The following GRHL2 variants were observed in gnomAD, a reference collection of about 807,000 sequenced individuals.
GRHL2 encodes grainyhead-like protein 2 homolog.
GRHL2 carries 21 observed loss-of-function variants against 83.8 expected under a neutral mutation model. The observed-to-expected ratio is 0.25, with a 90% CI of 0.18 to 0.36. The LOEUF (loss-of-function observed/expected upper bound fraction) is 0.36. Among genes scored for constraint, GRHL2 ranks in the 10% least tolerant of loss-of-function variants. The pLI is 1.00. For synonymous variants in GRHL2, 280 were observed against 278.9 expected, an observed-to-expected ratio of 1.00 and a Z score of -0.04; for missense variants, 623 against 781.8, an observed-to-expected ratio of 0.80 and a Z score of 2.42.
intron 8 of GRHL2, among the ~76,000 whole-genome samples, chr8:101,617,688 A>G (rs1014178117): frequency 6.6e-6 from 1 of 152,142 alleles, no homozygotes; most frequent in Non-Finnish European, 1.5e-5. Context: ...AACTTTTTGT[A>G]GAGATGGGAT....
intron 3 of GRHL2, 22 bp downstream of exon 3, chr8:101,552,804 C>G (rs774296255): frequency 6.2e-7 from 1 of 1,607,468 alleles, no homozygotes; most frequent in Admixed American, 1.7e-5. Flanking sequence ...TGCCTGGCCC[C>G]CAGAATAACT....
At position 101,507,034 on chromosome 8, in the gene GRHL2, G is replaced by A. The variant is rs549835361; in HGVS notation, c.20+14245G>A. On this transcript the variant is annotated intron_variant, in intron 1 of 15. Transcript: ENST00000646743. ...AGATCCAGCTGTGCTCCCCTCTGGC[G>A]TCTACCCAAAGTTGTACCTTCCAAC... is the stretch of plus-strand genomic sequence containing the variant. 9.9e-5 allele frequency among the ~76,000 whole-genome samples: 15 copies of A among 152,246 alleles called. No homozygotes were observed. In the South Asian group the frequency reaches 1.5e-3, roughly 15 times the overall value.
intron 8 of GRHL2, 79 bp downstream of exon 8, chr8:101,599,230 A>G (rs1297147102): frequency 2.2e-6 from 2 of 920,236 alleles, no homozygotes; most frequent in Admixed American, 1.8e-5. Flanking sequence ...AAAAGCCTGT[A>G]TCAGTAGCCT....
chr8:101,635,965 A>AGGCAGG (rs1437567715), intron 11 of GRHL2, among the ~76,000 whole-genome samples: 1 of 152,176 alleles, frequency 6.6e-6, no homozygotes, highest in East Asian at 1.9e-4. Flanking sequence ...TTTCTCACCC[A>AGGCAGG]GGCAGGGGCA....
At chr8:101,617,337 G>A (rs1027953362) in intron 8 of GRHL2, among the ~76,000 whole-genome samples, 3 of 152,072 alleles carry the variant, frequency 2.0e-5, no homozygotes, top group Non-Finnish European at 4.4e-5. Context: ...ACCCCACTAA[G>A]ACATTCCTCA....
rs142404047 is a variant in GRHL2 at position 101,627,560 on chromosome 8, A to C, written c.1258-4077A>C. ...CCATATGAAACCAAGCCAATGAATA[A>C]ACCTACAACGGCCCCTGAGTGTTCA... On this transcript the variant is annotated intron_variant, in intron 9 of 15. Transcript: ENST00000646743. Among the ~76,000 whole-genome samples, 420 of 152,200 alleles carry C rather than the reference A, an allele frequency of 2.8e-3. 6 individuals are homozygous for C. Among genetic ancestry groups the C allele is most frequent in the African/African-American group, 9.6e-3 (399 of 41,534 alleles).
At chr8:101,676,702 C>T in the GRHL2 span, among the ~76,000 whole-genome samples, 1 of 152,134 alleles carries the variant, frequency 6.6e-6, no homozygotes, top group Non-Finnish European at 1.5e-5. Flanking sequence ...CCAGCCATCC[C>T]ATTACTGGGT....
chr8:101,532,539 C>A (rs900283290), intron 1 of GRHL2, among the ~76,000 whole-genome samples: 1 of 152,114 alleles, frequency 6.6e-6, no homozygotes, highest in African/African-American at 2.4e-5. Context: ...ATCACGAGGT[C>A]AGGAGTTCAA....
chr8:101,499,803 C>T (rs1380500794), intron 1 of GRHL2, among the ~76,000 whole-genome samples: 4 of 152,066 alleles, frequency 2.6e-5, no homozygotes, highest in Non-Finnish European at 5.9e-5. Context: ...CCTGGCCAGG[C>T]GCGGTGGCTC....
intron 3 of GRHL2, among the ~76,000 whole-genome samples, chr8:101,555,506 C>A (rs915818507): frequency 3.3e-5 from 5 of 152,140 alleles, no homozygotes; most frequent in African/African-American, 9.7e-5. Context: ...TGAGGAATAT[C>A]TATTAACATT....
the GRHL2 span, among the ~76,000 whole-genome samples, chr8:101,677,430 C>T: frequency 4.6e-5 from 7 of 151,728 alleles, no homozygotes; most frequent in African/African-American, 7.3e-5. Flanking sequence ...TCCACCCCCA[C>T]GCCTACCTCC....
chr8:101,661,757 T>C (rs1813927593), intron 14 of GRHL2, among the ~76,000 whole-genome samples: 1 of 152,170 alleles, frequency 6.6e-6, no homozygotes. Context: ...AAGTGAGAGA[T>C]AGCTTGTTGG....
intron 8 of GRHL2, among the ~76,000 whole-genome samples, chr8:101,617,157 C>G (rs1179549721): frequency 6.6e-6 from 1 of 151,880 alleles, no homozygotes; most frequent in Non-Finnish European, 1.5e-5. Flanking sequence ...ACTGATGGTC[C>G]TCGTGTTGTA....
intron 1 of GRHL2, among the ~76,000 whole-genome samples, chr8:101,515,463 G>A (rs1368749112): frequency 6.6e-6 from 1 of 152,082 alleles, no homozygotes; most frequent in African/African-American, 2.4e-5. Context: ...TGTAAAATGG[G>A]ACCAGGAAGC....
At chr8:101,678,195 C>A in the GRHL2 span, among the ~76,000 whole-genome samples, 1 of 152,128 alleles carries the variant, frequency 6.6e-6, no homozygotes, top group Non-Finnish European at 1.5e-5. Context: ...CTAGGGAGTG[C>A]CAGGCAGTGG....
At chr8:101,659,193 GTCA>G (rs1225163520) in intron 14 of GRHL2, among the ~76,000 whole-genome samples, 5 of 152,196 alleles carry the variant, frequency 3.3e-5, no homozygotes, top group African/African-American at 9.7e-5. Flanking sequence ...ATGAATGAAT[GTCA>G]TCAGCATTTT....
At position 101,518,739 on chromosome 8, in the gene GRHL2, T is replaced by C. The variant is rs377745597; in HGVS notation, c.21-24502T>C. 1.6e-4 allele frequency among the ~76,000 whole-genome samples: 24 copies of C among 152,332 alleles called. No individual in the cohort carries two copies. In the East Asian group the frequency reaches 4.4e-3, roughly 28 times the overall value. ...TCTGTGCTGCTTCTCTTTTCTCCCATACTAGAAAGACCCCCAAGTTCTTTC... is the reference window on the plus strand; with the variant it reads ...TCTGTGCTGCTTCTCTTTTCTCCCACACTAGAAAGACCCCCAAGTTCTTTC... On this transcript the variant is annotated intron_variant, in intron 1 of 15. Transcript: ENST00000646743.
chr8:101,511,922 A>G (rs1243133657), intron 1 of GRHL2, among the ~76,000 whole-genome samples: 1 of 152,182 alleles, frequency 6.6e-6, no homozygotes, highest in Non-Finnish European at 1.5e-5. Context: ...TGCCAATGCC[A>G]TTTATTAAGC....
intron 1 of GRHL2, among the ~76,000 whole-genome samples, chr8:101,519,507 TC>T (rs1225056169): frequency 6.6e-6 from 1 of 151,148 alleles, no homozygotes; most frequent in African/African-American, 2.4e-5. Context: ...TAAGCAATCC[TC>T]CTGCCTCACC....
Sources: gnomAD v4.1 joint callset for allele counts (sites outside exome capture counted in the v4.1 genomes callset) on GRCh38, gnomAD v4.1.1 for gene constraint, MANE v1.5 for transcripts, NCBI Gene and HGNC (gene_info 2026-07-23, HGNC 2026-07-21) for gene names.